The following ACVR2A variants were observed in gnomAD, a reference collection of about 807,000 sequenced individuals.
The protein encoded by ACVR2A is activin A receptor type 2A.
A neutral mutation model predicts 61.4 loss-of-function variants in ACVR2A; 7 were observed. The ratio of observed to expected loss-of-function variants is 0.11; its 90% CI spans 0.06 to 0.21. The LOEUF (loss-of-function observed/expected upper bound fraction) is 0.21, where lower values mean the gene tolerates loss of function less well. Ranked by LOEUF, ACVR2A falls within the 10% of genes least tolerant of loss-of-function variation. ACVR2A has a pLI of 1.00. For synonymous variants in ACVR2A, 193 were observed against 208.3 expected (o/e 0.93, Z 0.63); for missense variants, 322 against 621.7 (o/e 0.52, Z 5.13).
At chr2:147,901,249 G>GAGTATTC (rs1686866013) in intron 4 of ACVR2A, among the ~76,000 whole-genome samples, 2 of 152,092 alleles carry the variant, frequency 1.3e-5, no homozygotes, top group South Asian at 4.1e-4. Context: ...TTAGAAGAGA[G>GAGTATTC]AGTATTCAGT....
At chr2:147,871,266 T>C (rs1393769135) in intron 1 of ACVR2A, among the ~76,000 whole-genome samples, 1 of 152,152 alleles carries the variant, frequency 6.6e-6, no homozygotes, top group Non-Finnish European at 1.5e-5. Flanking sequence ...GTTTTTCCTT[T>C]GTCTTTGTCA....
chr2:147,908,664 T>A (rs1687046274), intron 4 of ACVR2A, among the ~76,000 whole-genome samples: 1 of 152,140 alleles, frequency 6.6e-6, no homozygotes, highest in African/African-American at 2.4e-5. Context: ...TTTTAAAATT[T>A]AAAATGGTAA....
chr2:147,882,040 G>T (rs191990890), intron 1 of ACVR2A, among the ~76,000 whole-genome samples: 1 of 152,082 alleles, frequency 6.6e-6, no homozygotes, highest in African/African-American at 2.4e-5. Context: ...TTACAAATTT[G>T]CCACTCTCTT....
chr2:147,907,323 T>C (rs563736798), intron 4 of ACVR2A, among the ~76,000 whole-genome samples: 1 of 152,308 alleles, frequency 6.6e-6, no homozygotes, highest in East Asian at 1.9e-4. Flanking sequence ...GTCTTTATAA[T>C]AGAATGATTT....
At chr2:147,871,501 G>A (rs1686016809) in intron 1 of ACVR2A, among the ~76,000 whole-genome samples, 1 of 152,010 alleles carries the variant, frequency 6.6e-6, no homozygotes. Context: ...AGATGTCTCT[G>A]CATTTACGTA....
At chr2:147,921,872 T>C (rs1445565323) in intron 8 of ACVR2A, among the ~76,000 whole-genome samples, 2 of 152,168 alleles carry the variant, frequency 1.3e-5, no homozygotes, top group Non-Finnish European at 2.9e-5. Context: ...TGGCTTACAG[T>C]AATGACTCCT....
At chr2:147,914,832 C>T (rs763519966) in intron 4 of ACVR2A, among the ~76,000 whole-genome samples, 1 of 151,838 alleles carries the variant, frequency 6.6e-6, no homozygotes, top group Non-Finnish European at 1.5e-5. Flanking sequence ...TCATCCTCCT[C>T]GAAGTACACA....
At chr2:147,875,075 A>C (rs749296470) in intron 1 of ACVR2A, among the ~76,000 whole-genome samples, 4 of 151,990 alleles carry the variant, frequency 2.6e-5, no homozygotes, top group African/African-American at 4.8e-5. Context: ...GGGATTATAG[A>C]CGTTCAAACC....
rs563945009 is a variant in ACVR2A at position 147,864,670 on chromosome 2, T to TA, written c.55+19469dup. Among the ~76,000 whole-genome samples, 749 of 152,250 alleles carry TA rather than the reference T, an allele frequency of 4.9e-3. 8 individuals carry two copies. Among genetic ancestry groups the TA allele is most frequent in the African/African-American group, 0.017 (727 of 41,560 alleles). ...GTGGCAAAGGAGTAGTGAAGACAAG[T>TA]AAAAAATTCCTAGGGACTTGATTTG... On this transcript the variant is annotated intron_variant, in intron 1 of 10. Coordinates refer to ENST00000241416, the MANE Select transcript of ACVR2A (RefSeq NM_001616.5).
intron 4 of ACVR2A, among the ~76,000 whole-genome samples, chr2:147,901,947 A>C (rs749980637): frequency 3.3e-5 from 5 of 152,020 alleles, no homozygotes; most frequent in Admixed American, 6.6e-5. Flanking sequence ...CAAAAGGCTT[A>C]GTTTTATCTT....
At chr2:147,896,852 G>GA (rs1434208059) in intron 2 of ACVR2A, 10 of 178,320 alleles carry the variant, frequency 5.6e-5, no homozygotes, top group Admixed American at 3.3e-4. Flanking sequence ...TATATCTGTT[G>GA]AAAATCTGTC....
At chr2:147,900,356 A>C (rs1188514422) in intron 4 of ACVR2A, 4 of 153,268 alleles carry the variant, frequency 2.6e-5, no homozygotes, top group African/African-American at 9.6e-5. Flanking sequence ...GAGAGGTTTC[A>C]TAAAGCCTTC....
At chr2:147,863,737 T>G (rs1685785535) in intron 1 of ACVR2A, among the ~76,000 whole-genome samples, 1 of 152,198 alleles carries the variant, frequency 6.6e-6, no homozygotes, top group Non-Finnish European at 1.5e-5. Context: ...ATTCACACAG[T>G]TCAAACCCAT....
At chr2:147,917,110 A>G (rs1260486382) in intron 5 of ACVR2A, among the ~76,000 whole-genome samples, 173 bp from the exon 6 acceptor site, 4 of 151,988 alleles carry the variant, frequency 2.6e-5, no homozygotes, top group African/African-American at 9.7e-5. Flanking sequence ...TTTAGTATAA[A>G]TTTGTTAACC....
chr2:147,882,912 A>G (rs1231497632), intron 1 of ACVR2A, among the ~76,000 whole-genome samples: 1 of 152,152 alleles, frequency 6.6e-6, no homozygotes, highest in East Asian at 1.9e-4. Context: ...AAAAAAAAAA[A>G]ATTAGATTGA....
intron 4 of ACVR2A, among the ~76,000 whole-genome samples, chr2:147,901,301 A>G (rs532481049): frequency 6.6e-6 from 1 of 152,134 alleles, no homozygotes; most frequent in South Asian, 2.1e-4. Context: ...GTGATATGCT[A>G]GGAACAAGCT....
At chr2:147,910,048 G>A (rs1687077761) in intron 4 of ACVR2A, among the ~76,000 whole-genome samples, 1 of 152,154 alleles carries the variant, frequency 6.6e-6, no homozygotes, top group Non-Finnish European at 1.5e-5. Flanking sequence ...TTATTGAGAA[G>A]TGTATTAAGC....
intron 1 of ACVR2A, among the ~76,000 whole-genome samples, chr2:147,882,651 T>C (rs1167934504): frequency 6.6e-6 from 1 of 152,198 alleles, no homozygotes; most frequent in African/African-American, 2.4e-5. Context: ...ACATGCACAT[T>C]GTCTAGTGCC....
intron 8 of ACVR2A, 135 bp from the exon 9 acceptor site, chr2:147,922,834 ATCTT>A (rs1449215512): frequency 6.7e-6 from 5 of 749,034 alleles, no homozygotes; most frequent in African/African-American, 1.8e-5. Flanking sequence ...CGCAGAAAGG[ATCTT>A]TCTATTTATA....
Sources: allele counts gnomAD v4.1 joint callset (sites outside exome capture counted in the v4.1 genomes callset), GRCh38; gene constraint gnomAD v4.1.1; transcripts MANE v1.5; gene names NCBI Gene and HGNC (gene_info 2026-07-23, HGNC 2026-07-21).